TBC1D1: variants seen among roughly 807,000 people sequenced by gnomAD.
TBC1D1 encodes TBC1 domain family member 1.
A neutral mutation model predicts 125.6 loss-of-function variants in TBC1D1; 89 were observed. That is an observed-to-expected ratio of 0.71 (90% confidence interval 0.60 to 0.85). The LOEUF is 0.85. Among genes scored for constraint, TBC1D1 ranks in the 40% least tolerant of loss-of-function variants. The pLI, the probability that TBC1D1 is intolerant of heterozygous loss-of-function variation, is 0.00. For synonymous variants in TBC1D1, 565 were observed against 564.1 expected (o/e 1.00, Z -0.02); for missense variants, 1,377 against 1,469.2 (o/e 0.94, Z 1.03).
intron 2 of TBC1D1, among the ~76,000 whole-genome samples, chr4:37,911,898 C>T (rs1718705711): frequency 6.6e-6 from 1 of 152,118 alleles, no homozygotes; most frequent in South Asian, 2.1e-4. Context: ...GTTTGAAAAG[C>T]TTCATGTACA....
Position 38,020,620 on chromosome 4 carries a change from T to C in TBC1D1, c.1002T>C (p.Phe334=). The C allele has an allele frequency of 6.2e-7, 1 of 1,613,278 alleles. No individual in the cohort carries two copies. The highest frequency in any genetic ancestry group is 1.3e-5 in the African/African-American group (1 of 75,044). ...TCAGACACGTGGACCACTTTGGGTT[T>C]ATCTGTCGGGAGTCTTCCGGAGGTG... Residue 334 remains phenylalanine (F), a synonymous_variant, in exon 5 of 20, where the codon TTT becomes TTC. Coordinates refer to ENST00000261439, the MANE Select transcript of TBC1D1 (RefSeq NM_015173.4).
chr4:38,000,190 G>C (rs940431517), intron 2 of TBC1D1, among the ~76,000 whole-genome samples: 3 of 152,158 alleles, frequency 2.0e-5, no homozygotes, highest in African/African-American at 7.2e-5. Flanking sequence ...TATGCACCAT[G>C]GTCCCAAGAC....
chr4:37,949,743 C>G (rs949483239), intron 2 of TBC1D1, among the ~76,000 whole-genome samples: 13 of 152,224 alleles, frequency 8.5e-5, no homozygotes, highest in African/African-American at 3.1e-4. Context: ...GTAGGCCATA[C>G]AGTCTATGTA....
chr4:38,027,920 A>G, intron 7 of TBC1D1, 41 bp downstream of exon 7: 2 of 1,439,526 alleles, frequency 1.4e-6, no homozygotes, highest in Non-Finnish European at 1.9e-6. Flanking sequence ...AAGAAAAGGC[A>G]GGCAGCTTAC....
At chr4:38,060,910 G>A (rs1285377273) in intron 12 of TBC1D1, among the ~76,000 whole-genome samples, 4 of 152,184 alleles carry the variant, frequency 2.6e-5, no homozygotes, top group East Asian at 3.9e-4. Context: ...ATAAACAACC[G>A]TGGGAAATCC....
At chr4:38,117,290 T>A (rs1487506968) in intron 16 of TBC1D1, among the ~76,000 whole-genome samples, 1 of 152,182 alleles carries the variant, frequency 6.6e-6, no homozygotes, top group Non-Finnish European at 1.5e-5. Flanking sequence ...AGGTTGTTGT[T>A]TCTTTAGGCT....
intron 2 of TBC1D1, among the ~76,000 whole-genome samples, chr4:37,938,975 G>A (rs550317849): frequency 7.3e-4 from 111 of 152,218 alleles, no homozygotes; most frequent in African/African-American, 1.8e-3. Flanking sequence ...GAATAGTGCC[G>A]CAATAAACAT....
chr4:37,912,798 C>A (rs763637511), intron 2 of TBC1D1, among the ~76,000 whole-genome samples: 7 of 152,204 alleles, frequency 4.6e-5, no homozygotes, highest in African/African-American at 1.7e-4. Flanking sequence ...ACCAATCCTA[C>A]CTGAGCCTTA....
At chr4:38,096,128 C>T (rs1439741474) in intron 14 of TBC1D1, 38 bp downstream of exon 16, 1 of 1,556,490 alleles carries the variant, frequency 6.4e-7, no homozygotes. Flanking sequence ...AACCTCACCC[C>T]TCATTGGTGA....
At chr4:38,108,505 C>A (rs1761708954) in intron 15 of TBC1D1, among the ~76,000 whole-genome samples, 1 of 152,190 alleles carries the variant, frequency 6.6e-6, no homozygotes, top group Admixed American at 6.5e-5. Context: ...AGTTTATAAT[C>A]CCTGCAAGAG....
In TBC1D1 at chr4:38,137,548, C is replaced by G; in HGVS notation, c.*213C>G. 1 of 558,868 alleles carries G rather than the reference C, an allele frequency of 1.8e-6. No individual in the cohort carries two copies. The highest frequency in any genetic ancestry group is 2.8e-6 in the Non-Finnish European group (1 of 359,130). The allele number at this position is 558,868 out of a possible 1,614,324, so 34.6% of individuals were successfully genotyped here. On this transcript the variant is annotated 3_prime_UTR_variant, in exon 20 of 20. Coordinates refer to ENST00000261439, the MANE Select transcript of TBC1D1 (RefSeq NM_015173.4). ...GTTGTTTTTAGATACTAAATCGTCCCTTCTCCAGTCCTGATTACTGTACAC... is the reference window on the plus strand; with the variant it reads ...GTTGTTTTTAGATACTAAATCGTCCGTTCTCCAGTCCTGATTACTGTACAC...
intron 14 of TBC1D1, among the ~76,000 whole-genome samples, chr4:38,100,681 A>G (rs908873556): frequency 1.3e-5 from 2 of 152,194 alleles, no homozygotes; most frequent in Admixed American, 6.5e-5. Context: ...CATGGTTTAC[A>G]GGGGCCCTGT....
At chr4:38,103,515 G>T (rs1304483991) in intron 15 of TBC1D1, among the ~76,000 whole-genome samples, 3 of 152,190 alleles carry the variant, frequency 2.0e-5, no homozygotes, top group Non-Finnish European at 4.4e-5. Flanking sequence ...CCGAGGCTTG[G>T]TTTAATTACA....
At chr4:38,088,871 TTA>T (rs1757977659) in intron 12 of TBC1D1, among the ~76,000 whole-genome samples, 1 of 152,196 alleles carries the variant, frequency 6.6e-6, no homozygotes, top group Non-Finnish European at 1.5e-5. Context: ...ACCTGCCCTA[TTA>T]AGTGCAGTGC....
At chr4:38,091,595 A>G (rs1758437572) in intron 13 of TBC1D1, among the ~76,000 whole-genome samples, 2 of 152,262 alleles carry the variant, frequency 1.3e-5, no homozygotes, top group Non-Finnish European at 1.5e-5. Context: ...TAATGCCAAT[A>G]CTGGCCAATA....
At chr4:38,133,953 C>T (rs781473298) in intron 19 of TBC1D1, among the ~76,000 whole-genome samples, 3 of 152,328 alleles carry the variant, frequency 2.0e-5, no homozygotes, top group East Asian at 1.9e-4. Context: ...CACCTAACTG[C>T]GGAGTGCAGC....
intron 12 of TBC1D1, among the ~76,000 whole-genome samples, chr4:38,082,365 T>A (rs967509731): frequency 6.6e-6 from 1 of 152,166 alleles, no homozygotes; most frequent in Non-Finnish European, 1.5e-5. Flanking sequence ...CCACCATGTC[T>A]CATAAAATTA....
chr4:38,089,042 C>T (rs778120386), intron 12 of TBC1D1, among the ~76,000 whole-genome samples: 1 of 151,958 alleles, frequency 6.6e-6, no homozygotes. Context: ...CTGATAGGCT[C>T]ATAATGAAAT....
chr4:37,898,604 C>CA (rs1197124914), intron 1 of TBC1D1, among the ~76,000 whole-genome samples: 1 of 152,154 alleles, frequency 6.6e-6, no homozygotes, highest in African/African-American at 2.4e-5. Context: ...TCCTGTAACC[C>CA]ACCATGATAC....
Sources: gnomAD v4.1 joint callset for allele counts (sites outside exome capture counted in the v4.1 genomes callset) on GRCh38, gnomAD v4.1.1 for gene constraint, MANE v1.5 for transcripts, NCBI Gene and HGNC (gene_info 2026-07-23, HGNC 2026-07-21) for gene names.